The following SLC9A9 variants were observed in gnomAD, a reference collection of about 807,000 sequenced individuals.
SLC9A9 encodes the protein sodium/hydrogen exchanger 9.
In SLC9A9, 62 loss-of-function variants were observed where a neutral mutation model predicts 77.8. That is an observed-to-expected ratio of 0.80 (90% confidence interval 0.65 to 0.98). The LOEUF (loss-of-function observed/expected upper bound fraction) is 0.98. Among genes scored for constraint, SLC9A9 ranks in the 50% least tolerant of loss-of-function variants. The pLI is 0.00. For missense variants in SLC9A9, 775 were observed against 774.9 expected, an observed-to-expected ratio of 1.00 and a Z score of 0.00; for synonymous variants, 320 against 283.5, an observed-to-expected ratio of 1.13 and a Z score of -1.29.
At chr3:143,345,867 A>G (rs2032255593) in intron 14 of SLC9A9, among the ~76,000 whole-genome samples, 1 of 148,914 alleles carries the variant, frequency 6.7e-6, no homozygotes, top group Non-Finnish European at 1.5e-5. Context: ...TCCAATCTGA[A>G]CAAGTAGGAA....
intron 14 of SLC9A9, among the ~76,000 whole-genome samples, chr3:143,344,025 G>T (rs1016668396): frequency 6.6e-6 from 1 of 152,158 alleles, no homozygotes; most frequent in Non-Finnish European, 1.5e-5. Context: ...ACAGCAGGGA[G>T]AAGAATCATG....
chr3:143,562,829 A>G (rs1183289077), intron 8 of SLC9A9, among the ~76,000 whole-genome samples: 1 of 152,000 alleles, frequency 6.6e-6, no homozygotes, highest in Non-Finnish European at 1.5e-5. Flanking sequence ...AGCAATGATG[A>G]ATGGACTCAA....
chr3:143,727,635 G>T (rs1934689669), intron 4 of SLC9A9, among the ~76,000 whole-genome samples: 1 of 151,858 alleles, frequency 6.6e-6, no homozygotes, highest in African/African-American at 2.4e-5. Flanking sequence ...AAGTTTTATG[G>T]CTGGCAGAGC....
chr3:143,507,205 T>G (rs1453830817), intron 9 of SLC9A9, among the ~76,000 whole-genome samples: 1 of 151,356 alleles, frequency 6.6e-6, no homozygotes, highest in Admixed American at 6.6e-5. Flanking sequence ...ATCATTATTA[T>G]TATTATTATT....
chr3:143,837,247 C>T (rs761111888), intron 1 of SLC9A9, among the ~76,000 whole-genome samples: 1 of 152,204 alleles, frequency 6.6e-6, no homozygotes, highest in Non-Finnish European at 1.5e-5. Flanking sequence ...GCTTTAGACT[C>T]CATTCCTATA....
Position 143,574,395 on chromosome 3 carries a change from C to T in SLC9A9, c.895-202G>A, listed in dbSNP as rs549353077. Among the ~76,000 whole-genome samples the T allele has an allele frequency of 1.2e-4, 18 of 152,280 alleles. No homozygotes were observed. In the East Asian group the frequency reaches 3.1e-3, roughly 26 times the overall value. On this transcript the variant is annotated intron_variant, in intron 7 of 15. Coordinates refer to ENST00000316549, the MANE Select transcript of SLC9A9 (RefSeq NM_173653.4). ...GTTCCATGCTTCACCGGGGGCTGAA[C>T]GTGCCTGTAAAAATTCAAACCTGTG...
chr3:143,702,731 A>G (rs1008925790), intron 4 of SLC9A9, among the ~76,000 whole-genome samples: 1 of 152,042 alleles, frequency 6.6e-6, no homozygotes, highest in African/African-American at 2.4e-5. Flanking sequence ...AACATTGAAT[A>G]TAAGTGAACT....
At chr3:143,745,260 T>A (rs1197452152) in intron 4 of SLC9A9, among the ~76,000 whole-genome samples, 8 of 152,188 alleles carry the variant, frequency 5.3e-5, no homozygotes, top group Admixed American at 5.2e-4. Flanking sequence ...AAAACCAAGA[T>A]GTTTTTATAA....
chr3:143,280,560 T>C (rs1461661021), intron 14 of SLC9A9, among the ~76,000 whole-genome samples: 1 of 150,630 alleles, frequency 6.6e-6, no homozygotes, highest in East Asian at 1.9e-4. Flanking sequence ...TTTTTTTTTT[T>C]TTTTTGAGGT....
At chr3:143,456,516 T>G (rs909684893) in intron 12 of SLC9A9, among the ~76,000 whole-genome samples, 1 of 152,194 alleles carries the variant, frequency 6.6e-6, no homozygotes, top group Non-Finnish European at 1.5e-5. Context: ...CATCTGGGCT[T>G]GTAGTTTATT....
chr3:143,677,585 T>C (rs1360573703), intron 5 of SLC9A9, among the ~76,000 whole-genome samples: 4 of 152,214 alleles, frequency 2.6e-5, no homozygotes, highest in Non-Finnish European at 2.9e-5. Flanking sequence ...GCCAAATTAC[T>C]TTCCAGAAGT....
chr3:143,728,848 G>A (rs1003024122), intron 4 of SLC9A9, among the ~76,000 whole-genome samples: 2 of 152,010 alleles, frequency 1.3e-5, no homozygotes, highest in Non-Finnish European at 2.9e-5. Flanking sequence ...CTCTGGCAAC[G>A]AGATGGATGG....
chr3:143,425,208 T>C (rs1034788900), intron 12 of SLC9A9, among the ~76,000 whole-genome samples: 1 of 151,908 alleles, frequency 6.6e-6, no homozygotes, highest in Non-Finnish European at 1.5e-5. Flanking sequence ...TTAACAGATA[T>C]GTTTATAATC....
intron 12 of SLC9A9, among the ~76,000 whole-genome samples, chr3:143,418,796 T>C (rs2034246105): frequency 6.6e-6 from 1 of 152,164 alleles, no homozygotes. Context: ...GAGGCTTGAT[T>C]GTGTGAATTT....
At chr3:143,460,932 A>AACT (rs2035179492) in intron 12 of SLC9A9, among the ~76,000 whole-genome samples, 1 of 152,176 alleles carries the variant, frequency 6.6e-6, no homozygotes, top group Non-Finnish European at 1.5e-5. Flanking sequence ...AATAGAACAA[A>AACT]ACTATAAAAG....
intron 4 of SLC9A9, among the ~76,000 whole-genome samples, chr3:143,786,935 G>A (rs770734620): frequency 1.3e-5 from 2 of 152,158 alleles, no homozygotes; most frequent in African/African-American, 2.4e-5. Flanking sequence ...AGAAGACATG[G>A]TTTGGAAAGA....
chr3:143,787,278 A>G (rs1212678186), intron 4 of SLC9A9, among the ~76,000 whole-genome samples: 1 of 152,236 alleles, frequency 6.6e-6, no homozygotes, highest in Non-Finnish European at 1.5e-5. Flanking sequence ...TAGACGATAT[A>G]CACAATTATA....
intron 9 of SLC9A9, among the ~76,000 whole-genome samples, chr3:143,526,660 C>T (rs1328395635): frequency 1.3e-5 from 2 of 152,158 alleles, no homozygotes; most frequent in South Asian, 2.1e-4. Flanking sequence ...ACAATTTATT[C>T]AACTTCAATT....
chr3:143,560,425 T>C (rs777524773), intron 8 of SLC9A9, among the ~76,000 whole-genome samples: 1 of 152,216 alleles, frequency 6.6e-6, no homozygotes, highest in African/African-American at 2.4e-5. Flanking sequence ...ACAATTTTTG[T>C]TACCCTTTTT....
Sources: allele counts gnomAD v4.1 joint callset (sites outside exome capture counted in the v4.1 genomes callset), GRCh38; gene constraint gnomAD v4.1.1; transcripts MANE v1.5; gene names NCBI Gene and HGNC (gene_info 2026-07-23, HGNC 2026-07-21).